Variants in CWC27 observed in about 807,000 individuals in gnomAD.
CWC27 encodes the protein spliceosome-associated protein CWC27 homolog.
Under a neutral mutation model 63.6 loss-of-function variants are expected in CWC27, and 47 were observed. That is an observed-to-expected ratio of 0.74 (90% CI 0.58 to 0.94). CWC27 has a LOEUF of 0.94. CWC27 is among the 40% of genes least tolerant of loss of function. The pLI, the probability that CWC27 is intolerant of heterozygous loss-of-function variation, is 0.00. For synonymous variants in CWC27, 175 were observed against 179.8 expected (o/e 0.97, Z 0.22); for missense variants, 495 against 554.3 (o/e 0.89, Z 1.07).
intron 10 of CWC27, among the ~76,000 whole-genome samples, chr5:64,848,740 G>C (rs1403660499): frequency 6.6e-6 from 1 of 152,106 alleles, no homozygotes; most frequent in Non-Finnish European, 1.5e-5. Flanking sequence ...TAAAAACCAT[G>C]TGATCATGTC....
chr5:64,900,471 A>G (rs1347640696), intron 11 of CWC27, among the ~76,000 whole-genome samples: 1 of 152,098 alleles, frequency 6.6e-6, no homozygotes, highest in Non-Finnish European at 1.5e-5. Flanking sequence ...CCTTTATCAG[A>G]TATATGATTT....
chr5:64,810,935 T>A (rs1744860514), intron 10 of CWC27, among the ~76,000 whole-genome samples: 1 of 152,120 alleles, frequency 6.6e-6, no homozygotes, highest in Non-Finnish European at 1.5e-5. Flanking sequence ...AAAGTGAGAA[T>A]CAAGTAATTT....
intron 10 of CWC27, among the ~76,000 whole-genome samples, chr5:64,846,996 A>C: frequency 6.6e-6 from 1 of 150,418 alleles, no homozygotes; most frequent in Non-Finnish European, 1.5e-5. Context: ...TCCATCTCAA[A>C]AAAAAAAAAA....
At chr5:64,768,925 G>T, upstream of CWC27, 1 of 580,002 alleles carries the variant, frequency 1.7e-6, no homozygotes, top group East Asian at 2.8e-5. Flanking sequence ...ACCCTTCTCA[G>T]GGTTAGCGGT....
chr5:64,911,752 C>T lies in CWC27; in HGVS notation c.1042+26206C>T, dbSNP rs557054218. 2.0e-5 allele frequency among the ~76,000 whole-genome samples: 3 copies of T among 152,208 alleles called. No individual in the cohort carries two copies. In the South Asian group the frequency reaches 6.2e-4, roughly 32 times the overall value. ...CACTTTGGGTCTGGCTATCTCAAGG[C>T]TTTTCTCTAGTAGTAAAGGTTAACT... On this transcript the variant is annotated intron_variant, in intron 11 of 13. Transcript: ENST00000381070.
intron 10 of CWC27, among the ~76,000 whole-genome samples, chr5:64,844,480 C>A (rs1162707033): frequency 6.6e-6 from 1 of 152,158 alleles, no homozygotes; most frequent in East Asian, 1.9e-4. Context: ...CAGAGCCCAC[C>A]TCTGTGACCT....
chr5:64,865,137 C>T (rs201317694), intron 10 of CWC27, among the ~76,000 whole-genome samples: 15 of 146,236 alleles, frequency 1.0e-4, no homozygotes, highest in Non-Finnish European at 2.1e-4. Flanking sequence ...AAAAAAAAAA[C>T]TTGGGGTAAC....
intron 10 of CWC27, among the ~76,000 whole-genome samples, chr5:64,822,793 T>G (rs564820506): frequency 6.6e-6 from 1 of 152,314 alleles, no homozygotes; most frequent in East Asian, 1.9e-4. Flanking sequence ...TCTGCATTTT[T>G]GGAAAAGAGT....
intron 10 of CWC27, among the ~76,000 whole-genome samples, chr5:64,814,485 T>C (rs1005875383): frequency 1.3e-5 from 2 of 152,198 alleles, no homozygotes; most frequent in Non-Finnish European, 2.9e-5. Context: ...CTTTGCTAAA[T>C]CAACTTATTT....
chr5:64,956,411 G>C (rs1217718837), intron 11 of CWC27, among the ~76,000 whole-genome samples: 3 of 151,808 alleles, frequency 2.0e-5, no homozygotes, highest in African/African-American at 7.3e-5. Context: ...ATTTTTCTCT[G>C]CCTCCTGTGC....
At chr5:65,010,628 C>T (rs763105610) in intron 13 of CWC27, among the ~76,000 whole-genome samples, 58 of 152,134 alleles carry the variant, frequency 3.8e-4, no homozygotes, top group Non-Finnish European at 7.4e-4. Context: ...ATGGCAAGGT[C>T]TTTTAACCCA....
chr5:64,800,932 A>C (rs567094393), intron 8 of CWC27, among the ~76,000 whole-genome samples: 1 of 152,214 alleles, frequency 6.6e-6, no homozygotes, highest in Non-Finnish European at 1.5e-5. Flanking sequence ...TTTTAAGACA[A>C]TCTTTTCTTA....
At chr5:64,825,636 CTCT>C (rs908300572) in intron 10 of CWC27, among the ~76,000 whole-genome samples, 2 of 152,010 alleles carry the variant, frequency 1.3e-5, no homozygotes, top group African/African-American at 2.4e-5. Flanking sequence ...TTCTGAACCC[CTCT>C]TCTTTTCTGA....
At chr5:64,853,628 C>CG (rs1332165297) in intron 10 of CWC27, among the ~76,000 whole-genome samples, 1 of 152,052 alleles carries the variant, frequency 6.6e-6, no homozygotes, top group Non-Finnish European at 1.5e-5. Context: ...TGCTTGGCTT[C>CG]GGGTGAAGTC....
intron 10 of CWC27, among the ~76,000 whole-genome samples, chr5:64,820,659 A>G (rs1444203690): frequency 6.6e-6 from 1 of 152,182 alleles, no homozygotes; most frequent in African/African-American, 2.4e-5. Flanking sequence ...TGACAAAGGT[A>G]CAAAGATAAT....
chr5:64,800,218 CCT>C, intron 7 of CWC27, 28 bp from the exon 8 acceptor site: 14 of 1,424,652 alleles, frequency 9.8e-6, no homozygotes, highest in African/African-American at 1.5e-5. Flanking sequence ...TTATTTCCCC[CCT>C]CATGATTATA....
At chr5:64,822,537 T>G (rs558043187) in intron 10 of CWC27, among the ~76,000 whole-genome samples, 1 of 152,256 alleles carries the variant, frequency 6.6e-6, no homozygotes, top group African/African-American at 2.4e-5. Context: ...CTGAGAAAAG[T>G]ACAGGGTGTA....
chr5:64,895,912 C>G (rs974462774), intron 11 of CWC27, among the ~76,000 whole-genome samples: 7 of 152,018 alleles, frequency 4.6e-5, no homozygotes, highest in African/African-American at 1.7e-4. Flanking sequence ...CCTGGAAGAT[C>G]TAATAAATGT....
intron 11 of CWC27, among the ~76,000 whole-genome samples, chr5:64,936,193 T>C (rs1388653954): frequency 6.6e-6 from 1 of 151,684 alleles, no homozygotes; most frequent in Non-Finnish European, 1.5e-5. Flanking sequence ...TCAAAGGGAA[T>C]GCTTCCAGCT....
Sources: allele counts gnomAD v4.1 joint callset (sites outside exome capture counted in the v4.1 genomes callset), GRCh38; gene constraint gnomAD v4.1.1; transcripts MANE v1.5; gene names NCBI Gene and HGNC (gene_info 2026-07-23, HGNC 2026-07-21).